HRAS: variants seen among roughly 807,000 people sequenced by gnomAD.
HRAS encodes HRas proto-oncogene, GTPase, also known as GTPase HRas.
HRAS carries 11 observed loss-of-function variants against 19.8 expected under a neutral mutation model. The observed-to-expected ratio is 0.55, with a 90% confidence interval of 0.35 to 0.92. The LOEUF is 0.92. HRAS is among the 40% of genes least tolerant of loss of function. The pLI, the probability that HRAS is intolerant of heterozygous loss-of-function variation, is 0.01. For synonymous variants in HRAS, 149 were observed against 105.5 expected (o/e 1.41, Z -2.52); for missense variants, 204 against 255.9 (o/e 0.80, Z 1.38).
chr11:533,971 C>T (rs1206359985), intron 2 of HRAS, 27 bp from the exon 3 acceptor site: 11 of 1,605,516 alleles, frequency 6.9e-6, no homozygotes, highest in Non-Finnish European at 9.3e-6. Context: ...CTCAGGGACC[C>T]CCTCAGGACC....
At position 534,257 on chromosome 11, in the gene HRAS, C is replaced by T. The variant is rs749193206; in HGVS notation, c.66G>A (p.Gln22=). Residue 22 remains glutamine (Q), a synonymous_variant, in exon 2 of 6, where the codon CAG becomes CAA. Transcript: ENST00000311189. ...CGTCCACAAAATGGTTCTGGATCAG[C>T]TGGATGGTCAGCGCACTCTTGCCCA... The part of the protein sequence containing the change: ...GGVGKSALTI[Q]LIQNHFVDEY... The T allele has an allele frequency of 1.2e-6, 2 of 1,613,756 alleles. No individual in the cohort carries two copies. The highest frequency in any genetic ancestry group is 1.1e-5 in the South Asian group (1 of 91,080).
In HRAS at chr11:533,621, T is replaced by C. The variant is rs1564789180; in HGVS notation, c.291-9A>G. 6.2e-7 allele frequency: 1 copy of C among 1,613,390 alleles called. No homozygotes were observed. On this transcript the variant is annotated splice_polypyrimidine_tract_variant and intron_variant, in intron 3 of 5. Coordinates refer to ENST00000311189, the MANE Select transcript of HRAS (RefSeq NM_005343.4). ...CCCGTTTGATCTGCTCCCTGAGAGG[T>C]GGAAAGCGAGAGCTGGCTACGGGGG...
chr11:534,721 G>A, intron 1 of HRAS: 1 of 287,868 alleles, frequency 3.5e-6, no homozygotes, highest in Non-Finnish European at 6.8e-6. Flanking sequence ...CCGTCCTCCA[G>A]AACAGGTCTG....
chr11:534,397 A>G, intron 1 of HRAS, 22 bp from the exon 2 acceptor site: 1 of 1,238,318 alleles, frequency 8.1e-7, no homozygotes, highest in Non-Finnish European at 1.2e-6. Context: ...GGCCCTGCTC[A>G]GCCAGGCCCA....
chr11:533,644 G>C (rs1201757177), intron 3 of HRAS, 32 bp from the exon 4 acceptor site: 1 of 1,613,424 alleles, frequency 6.2e-7, no homozygotes, highest in Non-Finnish European at 8.5e-7. Flanking sequence ...CTGGCTACGG[G>C]GGCTGCAGGC....
intron 2 of HRAS, 89 bp from the exon 3 acceptor site, chr11:534,033 C>T: frequency 3.6e-6 from 5 of 1,396,526 alleles, no homozygotes; most frequent in South Asian, 1.1e-5. Flanking sequence ...CTCTCATGCC[C>T]CTCATGCCCC....
rs866868599 is a variant in HRAS at position 534,398 on chromosome 11, G to GCCAGGC, written c.-53-29_-53-24dup. On this transcript the variant is annotated intron_variant, in intron 1 of 5. Coordinates refer to ENST00000311189, the MANE Select transcript of HRAS (RefSeq NM_005343.4). ...CACCTGCCAAGGAGGGCCCTGCTCA[G>GCCAGGC]CCAGGCCCAGGCCCAGCCCCAGGCC... The GCCAGGC allele has an allele frequency of 9.1e-5, 112 of 1,230,144 alleles. No homozygotes were observed. In the South Asian group the frequency reaches 1.1e-3, roughly 12 times the overall value. The allele number at this position is 1,230,144 out of a possible 1,614,324, so 76.2% of individuals were successfully genotyped here. A position where few individuals can be genotyped will look rare whatever the true frequency, so the allele number is the denominator to read the frequency against.
chr11:533,688 G>A (rs1851263797), intron 3 of HRAS, 76 bp from the exon 4 acceptor site: 3 of 1,611,424 alleles, frequency 1.9e-6, no homozygotes, highest in Non-Finnish European at 2.5e-6. Flanking sequence ...AGAGAGGACA[G>A]GAGGCCCCTG....
rs1389157073 is a variant in HRAS, at chr11:533,503, C to T, written c.400G>A (p.Ala134Thr). The change falls in exon 4 of 6, where the codon GCC becomes ACC. Residue 134 changes from alanine to threonine, a missense_variant. Transcript: ENST00000311189. ...ATGTAGGGGATGCCGTAGCTTCGGG[C>T]GAGGTCCTGAGCCTGCCGAGATTCC... ...TVESRQAQDL[A>T]RSYGIPYIET... The T allele has an allele frequency of 5.0e-6, 8 of 1,613,500 alleles. No individual in the cohort carries two copies. The highest frequency in any genetic ancestry group is 2.2e-5 in the South Asian group (2 of 91,092).
rs907488556 is a variant in HRAS, at chr11:532,408, C to T, written c.*120G>A. 59 of 643,596 alleles carry T rather than the reference C, an allele frequency of 9.2e-5. 1 individual carries two copies. Among genetic ancestry groups the T allele is most frequent in the Middle Eastern group, 4.2e-4 (1 of 2,362 alleles). 39.9% of individuals were successfully genotyped at this position (643,596 alleles called of 1,614,324 possible). A position where few individuals can be genotyped will look rare whatever the true frequency, so the allele number is the denominator to read the frequency against. ...CTGCAGTCACCTCGGCCCACGGTCCCGGGGTGACTGGGCTCCAGCAGCCCT... is the reference window on the plus strand; with the variant it reads ...CTGCAGTCACCTCGGCCCACGGTCCTGGGGTGACTGGGCTCCAGCAGCCCT... On this transcript the variant is annotated 3_prime_UTR_variant, in exon 6 of 6. Coordinates refer to ENST00000311189, the MANE Select transcript of HRAS (RefSeq NM_005343.4).
intron 4 of HRAS, among the ~76,000 whole-genome samples, chr11:533,047 C>T (rs537446046): frequency 1.3e-5 from 2 of 152,358 alleles, no homozygotes; most frequent in Middle Eastern, 3.4e-3. Flanking sequence ...GACTCAGCTA[C>T]GGCCCGTGTC....
chr11:535,231 C>G (rs1158487900), intron 1 of HRAS, 185 bp downstream of exon 1: 1 of 149,852 alleles, frequency 6.7e-6, no homozygotes, highest in African/African-American at 2.4e-5. Flanking sequence ...GGCCCCCGCC[C>G]GCCGCAGCCC....
intron 4 of HRAS, 123 bp from the exon 5 acceptor site, chr11:532,878 C>T: frequency 1.1e-6 from 1 of 931,914 alleles, no homozygotes; most frequent in Non-Finnish European, 1.7e-6. Context: ...AGCCACTTCC[C>T]CAGGCCCACC....
chr11:533,551 A>G lies in HRAS; in HGVS notation c.352T>C (p.Cys118Arg). ...DVPMVLVGNK[C>R]DLAARTVESR... is the part of the protein sequence containing the mutation. Reference sequence around the variant, plus strand: ...TCCACAGTGCGTGCAGCCAGGTCACACTTGTTCCCCACCAGCACCATGGGC... The same window carrying G: ...TCCACAGTGCGTGCAGCCAGGTCACGCTTGTTCCCCACCAGCACCATGGGC... Residue 118 changes from cysteine to arginine, a missense_variant, in exon 4 of 6, where the codon TGT becomes CGT. Cys to Arg is a radical substitution (Grantham distance 180). Coordinates refer to ENST00000311189, the MANE Select transcript of HRAS (RefSeq NM_005343.4). 1 of 1,613,832 alleles carries G rather than the reference A, an allele frequency of 6.2e-7. No individual in the cohort carries two copies. Among genetic ancestry groups the G allele is most frequent in the African/African-American group, 1.3e-5 (1 of 75,028 alleles).
chr11:532,972 G>C (rs1851197148), intron 4 of HRAS, among the ~76,000 whole-genome samples: 1 of 152,204 alleles, frequency 6.6e-6, no homozygotes, highest in Non-Finnish European at 1.5e-5. Context: ...CAAAGGTCAG[G>C]GTGGCCCGGG....
At chr11:533,402 G>A (rs1851230355) in intron 4 of HRAS, 51 bp downstream of exon 4, 2 of 1,603,232 alleles carry the variant, frequency 1.2e-6, no homozygotes, top group Admixed American at 1.7e-5. Context: ...CCCTGGCTGG[G>A]GCGGGGCGGG....
rs1554884772 is a variant in HRAS at position 533,490 on chromosome 11, C to T, written c.413G>A (p.Gly138Asp). 1.9e-6 allele frequency: 3 copies of T among 1,613,606 alleles called. No homozygotes were observed. The highest frequency in any genetic ancestry group is 1.7e-6 in the Non-Finnish European group (2 of 1,179,982). ...GGCCGAGGTCTCGATGTAGGGGATG[C>T]CGTAGCTTCGGGCGAGGTCCTGAGC... ...RQAQDLARSY[G>D]IPYIETSAKT... Residue 138 changes from glycine (G) to aspartate (D), a missense_variant, in exon 4 of 6, where the codon GGC becomes GAC. Around this residue, in one of 4 missense-constraint regions of HRAS, gnomAD observed 142 missense variants for 141.1 expected, o/e 1.01. Transcript: ENST00000311189.
rs730880462 is a variant in HRAS, at chr11:533,586, G to C, written c.317C>G (p.Ser106Trp). The C allele has an allele frequency of 2.5e-6, 4 of 1,613,858 alleles. No homozygotes were observed. Among genetic ancestry groups the C allele is most frequent in the Non-Finnish European group, 3.4e-6 (4 of 1,179,992 alleles). ...YREQIKRVKD[S>W]DDVPMVLVGN... ...CACCAGCACCATGGGCACGTCATCCGAGTCCTTCACCCGTTTGATCTGCTC... is the reference window on the plus strand; with the variant it reads ...CACCAGCACCATGGGCACGTCATCCCAGTCCTTCACCCGTTTGATCTGCTC... Residue 106 changes from serine (S) to tryptophan (W), a missense_variant, in exon 4 of 6, where the codon TCG (serine) becomes TGG (tryptophan). Ser to Trp is a radical substitution (Grantham distance 177). Around this residue, in one of 4 missense-constraint regions of HRAS, gnomAD observed 142 missense variants for 141.1 expected, o/e 1.01. Coordinates refer to ENST00000311189, the MANE Select transcript of HRAS (RefSeq NM_005343.4).
At chr11:532,598 G>A (rs1418151935) in intron 5 of HRAS, 33 bp downstream of exon 5, 1 of 1,597,898 alleles carries the variant, frequency 6.3e-7, no homozygotes, top group Non-Finnish European at 8.5e-7. Flanking sequence ...GTCATCCGGT[G>A]GGCGTGGCGG....
Sources: allele counts gnomAD v4.1 joint callset (sites outside exome capture counted in the v4.1 genomes callset), GRCh38; gene constraint gnomAD v4.1.1; regional missense constraint gnomAD v4.1.1; transcripts MANE v1.5; gene names NCBI Gene and HGNC (gene_info 2026-07-23, HGNC 2026-07-21).